COX16: variants seen among roughly 807,000 people sequenced by gnomAD.
COX16 encodes the protein cytochrome c oxidase assembly protein COX16 homolog, mitochondrial.
COX16 carries 12 observed loss-of-function variants against 15.4 expected under a neutral mutation model. That is an observed-to-expected ratio of 0.78 (90% confidence interval 0.50 to 1.26). The LOEUF (loss-of-function observed/expected upper bound fraction) is 1.26. Among genes scored for constraint, COX16 ranks in the 50% most tolerant of loss-of-function variants. The pLI, the probability that COX16 is intolerant of heterozygous loss-of-function variation, is 0.00. For synonymous variants in COX16, 46 were observed against 41.1 expected (o/e 1.12, Z -0.46); for missense variants, 124 against 127.6 (o/e 0.97, Z 0.14).
chr14:70,358,377 T>TTA (rs201166004), intron 1 of COX16, among the ~76,000 whole-genome samples: 2,632 of 123,018 alleles, frequency 0.021, 96 homozygotes, highest in African/African-American at 0.081. Context: ...AACAATTTTT[T>TTA]TTTTTTTTTT....
intron 1 of COX16, among the ~76,000 whole-genome samples, chr14:70,357,549 T>C (rs1203247908): frequency 6.6e-6 from 1 of 152,088 alleles, no homozygotes; most frequent in Non-Finnish European, 1.5e-5. Context: ...CTCTGTCCAA[T>C]AAAAGGAAAC....
At position 70,329,139 on chromosome 14, in the gene COX16, T is replaced by G. The variant is rs962096810; in HGVS notation, c.204+35A>C. 2.7e-5 allele frequency: 42 copies of G among 1,565,682 alleles called. No individual in the cohort carries two copies. In the East Asian group the frequency reaches 9.6e-4, roughly 36 times the overall value. The stretch of plus-strand genomic sequence containing the variant: ...AAGGCAGATAAAACCAGTAACTGAT[T>G]GTTATAAGACAGAGACTATATTAAC... On this transcript the variant is annotated intron_variant, in intron 3 of 3. Coordinates refer to ENST00000389912, the MANE Select transcript of COX16 (RefSeq NM_016468.7).
chr14:70,332,328 C>T (rs1162575135), intron 2 of COX16, among the ~76,000 whole-genome samples: 1 of 152,228 alleles, frequency 6.6e-6, no homozygotes, highest in Non-Finnish European at 1.5e-5. Flanking sequence ...GTGGGCTTGC[C>T]AACCTCCTGT....
intron 1 of COX16, among the ~76,000 whole-genome samples, chr14:70,358,130 G>A (rs1277414232): frequency 7.2e-5 from 11 of 152,024 alleles, no homozygotes; most frequent in Non-Finnish European, 5.9e-5. Context: ...AAAAACCCAC[G>A]TTGTATTAGT....
rs574842787 is a variant in COX16, at chr14:70,325,702, A to G, written c.*631T>C. ...TATGGATTTACTGAACAAATTTGCC[A>G]TATCTGCTTATAATCATACACTACT... is the stretch of plus-strand genomic sequence containing the variant. On this transcript the variant is annotated 3_prime_UTR_variant, in exon 4 of 4. Transcript: ENST00000389912. 32 of 152,356 alleles carry G rather than the reference A, an allele frequency of 2.1e-4. No homozygotes were observed. Among genetic ancestry groups the G allele is most frequent in the African/African-American group, 7.2e-4 (30 of 41,592 alleles). The allele number at this position is 152,356 out of a possible 1,614,324, so 9.4% of individuals were successfully genotyped here.
At chr14:70,334,352 G>A (rs1445595213) in intron 2 of COX16, among the ~76,000 whole-genome samples, 8 of 152,132 alleles carry the variant, frequency 5.3e-5, no homozygotes, top group East Asian at 3.9e-4. Flanking sequence ...GCAAAACCCC[G>A]TCTCTACTAA....
rs745660136 is a variant in COX16, at chr14:70,359,677, C to T, written c.-90G>A. On this transcript the variant is annotated 5_prime_UTR_variant, in exon 1 of 4. Transcript: ENST00000389912. ...GCTCACGCTCTCACCAAGACGAGTA[C>T]GTCCTTAACTCACTTCCTTTTCCTT... The T allele has an allele frequency of 1.9e-5, 22 of 1,133,268 alleles. No homozygotes were observed. The highest frequency in any genetic ancestry group is 2.9e-5 in the Non-Finnish European group (22 of 754,142). The allele number at this position is 1,133,268 out of a possible 1,614,324, so 70.2% of individuals were successfully genotyped here. A position where few individuals can be genotyped will look rare whatever the true frequency, so the allele number is the denominator to read the frequency against.
intron 1 of COX16, among the ~76,000 whole-genome samples, chr14:70,345,859 C>CT: frequency 6.6e-6 from 1 of 152,192 alleles, no homozygotes; most frequent in African/African-American, 2.4e-5. Context: ...CCACCCCTCC[C>CT]AACCCCTACC....
intron 3 of COX16, among the ~76,000 whole-genome samples, chr14:70,327,493 T>TA (rs1419932405): frequency 6.6e-6 from 1 of 152,030 alleles, no homozygotes; most frequent in Non-Finnish European, 1.5e-5. Flanking sequence ...TTTTTTTTTT[T>TA]AATCAATGGG....
At chr14:70,358,746 G>T (rs903272618) in intron 1 of COX16, among the ~76,000 whole-genome samples, 3 of 152,176 alleles carry the variant, frequency 2.0e-5, no homozygotes, top group Non-Finnish European at 4.4e-5. Context: ...ACACATCAAG[G>T]CTTGCTGAAG....
chr14:70,327,248 TCTCTTA>T (rs1886110671), intron 3 of COX16, among the ~76,000 whole-genome samples: 1 of 152,186 alleles, frequency 6.6e-6, no homozygotes, highest in Non-Finnish European at 1.5e-5. Flanking sequence ...TAAGCATTAC[TCTCTTA>T]CTAACTAGCT....
At chr14:70,346,033 C>A (rs1053842909) in intron 1 of COX16, among the ~76,000 whole-genome samples, 4 of 152,100 alleles carry the variant, frequency 2.6e-5, no homozygotes, top group Admixed American at 1.3e-4. Context: ...TCTCCTCCCC[C>A]ACTGCCCTCT....
chr14:70,330,641 G>A (rs1886253663), intron 2 of COX16, among the ~76,000 whole-genome samples: 1 of 152,172 alleles, frequency 6.6e-6, no homozygotes, highest in South Asian at 2.1e-4. Context: ...ATTCCAGAAA[G>A]GCGAAGTTAA....
chr14:70,354,569 G>C (rs1359961507), intron 1 of COX16, among the ~76,000 whole-genome samples: 1 of 152,206 alleles, frequency 6.6e-6, no homozygotes, highest in Non-Finnish European at 1.5e-5. Context: ...AATGTGCAAG[G>C]AGGGTGACAT....
At chr14:70,336,720 C>A in intron 2 of COX16, among the ~76,000 whole-genome samples, 1 of 152,146 alleles carries the variant, frequency 6.6e-6, no homozygotes, top group East Asian at 1.9e-4. Flanking sequence ...ATTTTTAGTG[C>A]TAATTTTGAT....
At chr14:70,341,103 TG>T (rs543086287) in intron 2 of COX16, among the ~76,000 whole-genome samples, 6 of 152,042 alleles carry the variant, frequency 3.9e-5, no homozygotes, top group Non-Finnish European at 8.8e-5. Flanking sequence ...CCCTTCCAAA[TG>T]TCATATACTA....
At chr14:70,339,371 C>T (rs368703258) in intron 2 of COX16, among the ~76,000 whole-genome samples, 168 of 152,300 alleles carry the variant, frequency 1.1e-3, no homozygotes, top group African/African-American at 3.8e-3. Flanking sequence ...TTCCCATGAA[C>T]TTTGCACATC....
At chr14:70,356,282 G>A (rs1364291143) in intron 1 of COX16, among the ~76,000 whole-genome samples, 1 of 152,062 alleles carries the variant, frequency 6.6e-6, no homozygotes, top group Non-Finnish European at 1.5e-5. Flanking sequence ...GATCTCATAA[G>A]GAGCATGCAA....
rs914795548 is a variant in COX16 at position 70,325,543 on chromosome 14, C to T, written c.*790G>A. ...GCAGTGAGCAGAGATCGTGCCCCTG[C>T]ACTCCAGCCTGGGCGAACAGAGCGA... On this transcript the variant is annotated 3_prime_UTR_variant, in exon 4 of 4. Coordinates refer to ENST00000389912, the MANE Select transcript of COX16 (RefSeq NM_016468.7). The T allele has an allele frequency of 8.5e-5, 13 of 152,262 alleles. No individual in the cohort carries two copies. The highest frequency in any genetic ancestry group is 2.7e-4 in the African/African-American group (11 of 41,456). The allele number at this position is 152,262 out of a possible 1,614,324, so 9.4% of individuals were successfully genotyped here.
Sources: allele counts gnomAD v4.1 joint callset (sites outside exome capture counted in the v4.1 genomes callset), GRCh38; gene constraint gnomAD v4.1.1; transcripts MANE v1.5; gene names NCBI Gene and HGNC (gene_info 2026-07-23, HGNC 2026-07-21).